CADM2: variants seen among roughly 807,000 people sequenced by gnomAD.
CADM2 encodes the protein cell adhesion molecule 2.
In CADM2, 12 loss-of-function variants were observed where a neutral mutation model predicts 49.8. The ratio of observed to expected loss-of-function variants is 0.24; its 90% CI spans 0.15 to 0.39. The LOEUF (loss-of-function observed/expected upper bound fraction) is 0.39, where lower values mean the gene tolerates loss of function less well. CADM2 is among the 10% of genes least tolerant of loss of function. The probability of loss-of-function intolerance (pLI) is 1.00; values close to 1 mark genes in which losing one functional copy is unlikely to be tolerated. For synonymous variants in CADM2, 214 were observed against 175.4 expected, an observed-to-expected ratio of 1.22 and a Z score of -1.74; for missense variants, 378 against 492.3, an observed-to-expected ratio of 0.77 and a Z score of 2.20.
chr3:85,700,800 T>C (rs73147228), intron 1 of CADM2, among the ~76,000 whole-genome samples: 63,620 of 151,984 alleles, frequency 0.42, 13,387 homozygotes, highest in South Asian at 0.49. Context: ...ATTTTGGTCA[T>C]AACAACTTAA....
At chr3:85,233,792 T>C (rs2042352831) in intron 1 of CADM2, among the ~76,000 whole-genome samples, 1 of 152,112 alleles carries the variant, frequency 6.6e-6, no homozygotes, top group African/African-American at 2.4e-5. Context: ...CTGACTTGTT[T>C]CACAAAATAC....
chr3:85,105,054 G>C (rs866174489), intron 1 of CADM2, among the ~76,000 whole-genome samples: 21 of 151,964 alleles, frequency 1.4e-4, no homozygotes, highest in African/African-American at 5.1e-4. Context: ...TAGTTGAATA[G>C]CCTTTATTTC....
intron 1 of CADM2, among the ~76,000 whole-genome samples, chr3:85,274,129 A>G (rs1468047285): frequency 1.3e-4 from 19 of 151,514 alleles, no homozygotes; most frequent in Admixed American, 1.2e-3. Context: ...GGTGAGTTTG[A>G]TGAGAAATTT....
chr3:85,202,035 G>A (rs527813685), intron 1 of CADM2, among the ~76,000 whole-genome samples: 8 of 137,704 alleles, frequency 5.8e-5, no homozygotes, highest in Admixed American at 1.6e-4. Context: ...AACCGAGATC[G>A]CACCACTGCT....
intron 8 of CADM2, among the ~76,000 whole-genome samples, chr3:86,016,649 T>C (rs550150031): frequency 1.3e-5 from 2 of 152,194 alleles, no homozygotes; most frequent in African/African-American, 4.8e-5. Context: ...AAAACTTAAG[T>C]TGACCCTTTC....
At chr3:85,518,422 C>CT (rs35500944) in intron 1 of CADM2, among the ~76,000 whole-genome samples, 9,365 of 142,502 alleles carry the variant, frequency 0.066, 907 homozygotes, top group African/African-American at 0.22. Flanking sequence ...ACAATCTAGG[C>CT]TTTTTTTTTT....
intron 1 of CADM2, among the ~76,000 whole-genome samples, chr3:85,361,860 T>C (rs540091895): frequency 6.6e-6 from 1 of 152,278 alleles, no homozygotes; most frequent in African/African-American, 2.4e-5. Context: ...AAAATTTCCT[T>C]TGTGTTAGTC....
intron 7 of CADM2, among the ~76,000 whole-genome samples, chr3:85,947,436 G>A (rs1210705066): frequency 6.6e-6 from 1 of 151,088 alleles, no homozygotes; most frequent in East Asian, 2.0e-4. Context: ...GATATATAGA[G>A]AAATGCAAAA....
intron 1 of CADM2, among the ~76,000 whole-genome samples, chr3:85,084,690 T>G (rs1040509689): frequency 6.6e-6 from 1 of 152,270 alleles, no homozygotes; most frequent in East Asian, 1.9e-4. Context: ...TTTTTAATGT[T>G]TAGAATATGG....
chr3:85,413,161 A>AAAAAAAT (rs1553720239), intron 1 of CADM2, among the ~76,000 whole-genome samples: 20 of 108,510 alleles, frequency 1.8e-4, no homozygotes, highest in African/African-American at 7.7e-4. Flanking sequence ...AAAAAAAAAA[A>AAAAAAAT]AATAATAATA....
At chr3:85,224,816 A>G (rs1184530830) in intron 1 of CADM2, among the ~76,000 whole-genome samples, 1 of 152,176 alleles carries the variant, frequency 6.6e-6, no homozygotes, top group Non-Finnish European at 1.5e-5. Context: ...AGCTTTCTGC[A>G]TATGGCTAGC....
At chr3:85,289,784 T>A (rs193251016) in intron 1 of CADM2, among the ~76,000 whole-genome samples, 14 of 152,328 alleles carry the variant, frequency 9.2e-5, no homozygotes, top group South Asian at 6.2e-4. Flanking sequence ...AAACAACCAC[T>A]TTGTGCTAAG....
At chr3:85,792,570 G>A (rs1161276335) in intron 2 of CADM2, among the ~76,000 whole-genome samples, 1 of 152,138 alleles carries the variant, frequency 6.6e-6, no homozygotes, top group Non-Finnish European at 1.5e-5. Context: ...CTCAACCTCT[G>A]CCTGTCTCTC....
At chr3:85,624,367 C>G (rs1411560889) in intron 1 of CADM2, among the ~76,000 whole-genome samples, 1 of 152,094 alleles carries the variant, frequency 6.6e-6, no homozygotes, top group Non-Finnish European at 1.5e-5. Flanking sequence ...GAGTCCCGCT[C>G]TGTCATCCAG....
chr3:85,970,933 C>A (rs1178080141), intron 8 of CADM2, among the ~76,000 whole-genome samples: 1 of 151,076 alleles, frequency 6.6e-6, no homozygotes, highest in African/African-American at 2.4e-5. Context: ...GGTTAAGCAA[C>A]TATTTTACAG....
intron 1 of CADM2, among the ~76,000 whole-genome samples, chr3:85,616,806 A>C (rs2063811576): frequency 6.6e-6 from 1 of 152,188 alleles, no homozygotes; most frequent in Non-Finnish European, 1.5e-5. Flanking sequence ...AGTCTTGACT[A>C]TGCCATTGGA....
chr3:85,976,061 A>T (rs1433153565), intron 8 of CADM2, among the ~76,000 whole-genome samples: 1 of 151,606 alleles, frequency 6.6e-6, no homozygotes, highest in African/African-American at 2.4e-5. Context: ...AAAAATTAAT[A>T]AGTTAATGTT....
At chr3:85,602,491 C>T (rs1201776666) in intron 1 of CADM2, among the ~76,000 whole-genome samples, 1 of 151,754 alleles carries the variant, frequency 6.6e-6, no homozygotes, top group Non-Finnish European at 1.5e-5. Context: ...ACAAATCCAA[C>T]AACTTGCGAC....
At chr3:85,828,775 C>T (rs1316545983) in intron 3 of CADM2, among the ~76,000 whole-genome samples, 3 of 151,924 alleles carry the variant, frequency 2.0e-5, no homozygotes, top group African/African-American at 4.8e-5. Context: ...TTTTCTCCTT[C>T]AGTGCATTGC....
Sources: gnomAD v4.1 joint callset for allele counts (sites outside exome capture counted in the v4.1 genomes callset) on GRCh38, gnomAD v4.1.1 for gene constraint, MANE v1.5 for transcripts, NCBI Gene and HGNC (gene_info 2026-07-23, HGNC 2026-07-21) for gene names.